Variants in SOD2 observed in about 807,000 individuals in gnomAD.
SOD2 encodes the protein superoxide dismutase [Mn], mitochondrial.
In SOD2, 11 loss-of-function variants were observed where a neutral mutation model predicts 27.0. That is an observed-to-expected ratio of 0.41 (90% CI 0.26 to 0.67). The LOEUF (loss-of-function observed/expected upper bound fraction) is 0.67, where lower values mean the gene tolerates loss of function less well. Among genes scored for constraint, SOD2 ranks in the 30% least tolerant of loss-of-function variants. The probability of loss-of-function intolerance (pLI) is 0.34; values close to 1 mark genes in which losing one functional copy is unlikely to be tolerated. For synonymous variants in SOD2, 105 were observed against 103.0 expected, an observed-to-expected ratio of 1.02 and a Z score of -0.12; for missense variants, 250 against 274.5, an observed-to-expected ratio of 0.91 and a Z score of 0.63.
At chr6:159,698,973 T>C (rs1249796752) in intron 1 of SOD2, among the ~76,000 whole-genome samples, 1 of 150,318 alleles carries the variant, frequency 6.7e-6, no homozygotes, top group Non-Finnish European at 1.5e-5. Context: ...AAAATCTACA[T>C]AGAAGTGGAC....
upstream of SOD2, among the ~76,000 whole-genome samples, chr6:159,747,038 T>A (rs75082554): frequency 0.019 from 2,854 of 152,320 alleles, 104 homozygotes; most frequent in African/African-American, 0.065. Flanking sequence ...GTACTAGATT[T>A]TTGCTCAGTG....
In SOD2 at chr6:159,711,666, G is replaced by A. The variant is rs1470976790; in HGVS notation, c.-116+15463C>T. 1.3e-4 allele frequency among the ~76,000 whole-genome samples: 8 copies of A among 61,824 alleles called. 1 individual carries two copies. The allele number at this position is 61,824 out of a possible 152,430, so 40.6% of individuals were successfully genotyped here. ...CACCTCCAATACCACCACTCACATT[G>A]CTCTGATCACCATAACCACCTCCAT... is the stretch of plus-strand genomic sequence containing the variant. On this transcript the variant is annotated intron_variant, in intron 1 of 2. Coordinates refer to the SOD2 transcript ENST00000401980.
In SOD2 at chr6:159,725,193, G is replaced by C. The variant is rs909960759; in HGVS notation, c.-116+1936C>G. On this transcript the variant is annotated intron_variant, in intron 1 of 2. Transcript: ENST00000401980. ...CTAGAGTACTGTGTTCAAAAGCTCA[G>C]AGGGGCCAGTGGTGGTGGTTCATTC... Among the ~76,000 whole-genome samples the C allele has an allele frequency of 6.6e-5, 10 of 152,210 alleles. No individual in the cohort carries two copies. The East Asian group carries it at 1.9e-3, about 29-fold the overall frequency.
rs560597713 is a variant in SOD2 at position 159,702,994 on chromosome 6, G to A, written c.-115-10131C>T. On this transcript the variant is annotated intron_variant, in intron 1 of 2. Coordinates refer to the SOD2 transcript ENST00000401980. ...GATTGCACCACTGCACTCCAGTCTGGCCAACAGTGAAACCTCATCTTTAAA... is the reference window on the plus strand; with the variant it reads ...GATTGCACCACTGCACTCCAGTCTGACCAACAGTGAAACCTCATCTTTAAA... 1.1e-3 allele frequency among the ~76,000 whole-genome samples: 165 copies of A among 151,792 alleles called. 1 individual carries two copies. Among genetic ancestry groups the A allele is most frequent in the Non-Finnish European group, 1.9e-3 (131 of 67,942 alleles).
At chr6:159,734,345 C>T (rs1384698091) in intron 1 of SOD2, among the ~76,000 whole-genome samples, 1 of 149,110 alleles carries the variant, frequency 6.7e-6, no homozygotes, top group Non-Finnish European at 1.5e-5. Flanking sequence ...CCACAGCACT[C>T]CAGCCTGGCA....
At chr6:159,706,977 C>T (rs971060222) in intron 1 of SOD2, among the ~76,000 whole-genome samples, 1 of 152,186 alleles carries the variant, frequency 6.6e-6, no homozygotes, top group Admixed American at 6.5e-5. Flanking sequence ...CTCAAAACCA[C>T]TCAACTTCAT....
intron 1 of SOD2, among the ~76,000 whole-genome samples, chr6:159,754,554 C>T (rs1448128216): frequency 1.3e-5 from 2 of 152,176 alleles, no homozygotes; most frequent in Non-Finnish European, 2.9e-5. Context: ...GGATTGGTGT[C>T]AGGACCTCCC....
At chr6:159,693,078 G>T in intron 1 of SOD2, 67 bp downstream of exon 1, 1 of 1,508,192 alleles carries the variant, frequency 6.6e-7, no homozygotes, top group Non-Finnish European at 8.8e-7. Flanking sequence ...CGCCATTGCC[G>T]CGGAGGCCCT....
upstream of SOD2, chr6:159,748,250 A>G (rs1417060999): frequency 4.3e-6 from 7 of 1,614,002 alleles, no homozygotes; most frequent in East Asian, 2.2e-5. The surrounding 1 kb of genome is among the most constrained non-coding windows in gnomAD (Gnocchi z 5.6). Flanking sequence ...TGAGATCAAC[A>G]ATGGTAGACC....
chr6:159,707,762 T>C (rs886617256), intron 1 of SOD2, among the ~76,000 whole-genome samples: 3 of 152,180 alleles, frequency 2.0e-5, no homozygotes, highest in Non-Finnish European at 2.9e-5. Context: ...CCCTAACTCA[T>C]TTTATGAGGC....
intron 1 of SOD2, among the ~76,000 whole-genome samples, chr6:159,738,277 T>A (rs1779042177): frequency 6.6e-6 from 1 of 152,242 alleles, no homozygotes; most frequent in Non-Finnish European, 1.5e-5. Flanking sequence ...AACCACTAAT[T>A]TATCTCCATT....
At chr6:159,725,762 TATAA>T (rs1778150101) in intron 1 of SOD2, 2 of 151,670 alleles carry the variant, frequency 1.3e-5, no homozygotes, top group Admixed American at 6.6e-5. Flanking sequence ...TCATATTAAA[TATAA>T]ATATATATTT....
At chr6:159,711,583 G>A (rs1291664389) in intron 1 of SOD2, among the ~76,000 whole-genome samples, 3 of 34,244 alleles carry the variant, frequency 8.8e-5, no homozygotes, top group Admixed American at 3.2e-4. Flanking sequence ...CACTCACACT[G>A]CTCTGACCAC....
At chr6:159,714,695 A>G (rs1229433327) in intron 1 of SOD2, among the ~76,000 whole-genome samples, 1 of 152,156 alleles carries the variant, frequency 6.6e-6, no homozygotes, top group Non-Finnish European at 1.5e-5. Context: ...TGCCTAACTA[A>G]TCACATCACA....
At chr6:159,755,687 T>A (rs1779976276) in intron 1 of SOD2, 2 of 1,339,172 alleles carry the variant, frequency 1.5e-6, no homozygotes, top group East Asian at 5.5e-5. Context: ...ATGCATACTT[T>A]TGTCACAATT....
intron 1 of SOD2, among the ~76,000 whole-genome samples, chr6:159,703,604 C>A (rs1349924830): frequency 6.6e-6 from 1 of 152,154 alleles, no homozygotes; most frequent in Non-Finnish European, 1.5e-5. Context: ...AGTGTACACT[C>A]ACATGCCTTA....
At chr6:159,689,296 A>C (rs1482346470) in intron 2 of SOD2, among the ~76,000 whole-genome samples, 1 of 152,182 alleles carries the variant, frequency 6.6e-6, no homozygotes, top group Non-Finnish European at 1.5e-5. Flanking sequence ...CCACTGAAAC[A>C]TCAACCCCAT....
At position 159,712,117 on chromosome 6, in the gene SOD2, A is replaced by T. The variant is rs200726540; in HGVS notation, c.-116+15012T>A. Among the ~76,000 whole-genome samples, 161 of 20,782 alleles carry T rather than the reference A, an allele frequency of 7.7e-3. 4 individuals are homozygous for T. Among genetic ancestry groups the T allele is most frequent in the East Asian group, 0.014 (12 of 864 alleles). The allele number at this position is 20,782 out of a possible 152,430, so 13.6% of individuals were successfully genotyped here. On this transcript the variant is annotated intron_variant, in intron 1 of 2. Transcript: ENST00000401980. ...CTCCATAACCACCACTCAGCTGCTCAGACCTCCATAACCACCTCCATAACC... is the reference window on the plus strand; with the variant it reads ...CTCCATAACCACCACTCAGCTGCTCTGACCTCCATAACCACCTCCATAACC...
rs541403179 is a variant in SOD2, at chr6:159,688,546, T to C, written c.227-304A>G. 5.3e-5 allele frequency among the ~76,000 whole-genome samples: 8 copies of C among 152,236 alleles called. No individual in the cohort carries two copies. In the East Asian group the frequency reaches 9.6e-4, roughly 18 times the overall value. On this transcript the variant is annotated intron_variant, in intron 2 of 4. Transcript: ENST00000538183. ...ACACCAAAGAGGACAATCAAAATAA[T>C]AGAATGCTAAAATGTATGGCTCAAC...
Sources: gnomAD v4.1 joint callset for allele counts (sites outside exome capture counted in the v4.1 genomes callset) on GRCh38, gnomAD v4.1.1 for gene constraint, Gnocchi (gnomAD v3.1) non-coding constraint, MANE v1.5 for transcripts, NCBI Gene and HGNC (gene_info 2026-07-23, HGNC 2026-07-21) for gene names.